Variants in ROBO1 observed in about 807,000 individuals in gnomAD.
ROBO1 encodes roundabout guidance receptor 1.
In ROBO1, 149 loss-of-function variants were observed where a neutral mutation model predicts 195.9. That is an observed-to-expected ratio of 0.76 (90% CI 0.67 to 0.87). The LOEUF (loss-of-function observed/expected upper bound fraction) is 0.87, where lower values mean the gene tolerates loss of function less well. ROBO1 is among the 40% of genes least tolerant of loss of function. ROBO1 has a pLI of 0.00. For missense variants in ROBO1, 1,933 were observed against 2,068.3 expected (o/e 0.93, Z 1.27); for synonymous variants, 816 against 733.2 (o/e 1.11, Z -1.82).
At chr3:79,710,126 C>A (rs180683501) in intron 1 of ROBO1, among the ~76,000 whole-genome samples, 2 of 151,868 alleles carry the variant, frequency 1.3e-5, no homozygotes, top group Admixed American at 6.6e-5. Flanking sequence ...GTAAGGGAGA[C>A]GAGAGATATT....
intron 4 of ROBO1, among the ~76,000 whole-genome samples, chr3:78,884,386 A>AG (rs919489549): frequency 1.3e-5 from 2 of 151,942 alleles, no homozygotes; most frequent in African/African-American, 4.8e-5. Flanking sequence ...CCAAGGTGGG[A>AG]GGATTGTTTG....
chr3:78,675,332 G>A (rs577479159), intron 10 of ROBO1, among the ~76,000 whole-genome samples: 1 of 152,206 alleles, frequency 6.6e-6, no homozygotes, highest in African/African-American at 2.4e-5. Context: ...AGTGGGTGGA[G>A]CACACAGTTC....
intron 3 of ROBO1, among the ~76,000 whole-genome samples, chr3:79,048,095 G>A (rs1404890442): frequency 6.6e-6 from 1 of 151,876 alleles, no homozygotes; most frequent in Non-Finnish European, 1.5e-5. Context: ...AACCATATAT[G>A]GTTACCTTGC....
chr3:79,627,107 T>C (rs1311226645), intron 1 of ROBO1, among the ~76,000 whole-genome samples: 3 of 152,110 alleles, frequency 2.0e-5, no homozygotes. Context: ...CTATTCCCCA[T>C]GAAACTACCA....
At chr3:79,183,093 A>AAAAAAAAAAAAAAAAAAAAAAAT (rs2081375354) in intron 2 of ROBO1, among the ~76,000 whole-genome samples, 1 of 151,984 alleles carries the variant, frequency 6.6e-6, no homozygotes, top group African/African-American at 2.4e-5. Context: ...AAAAAAAAAA[A>AAAAAAAAAAAAAAAAAAAAAAAT]AAAAGATACA....
chr3:79,359,752 T>C (rs1577019606), intron 2 of ROBO1, among the ~76,000 whole-genome samples: 1 of 151,946 alleles, frequency 6.6e-6, no homozygotes, highest in Non-Finnish European at 1.5e-5. Context: ...AAGAAAAGAA[T>C]TGAAAGCAAT....
intron 3 of ROBO1, among the ~76,000 whole-genome samples, chr3:79,022,687 A>C (rs2078125597): frequency 6.6e-6 from 1 of 152,208 alleles, no homozygotes; most frequent in African/African-American, 2.4e-5. Context: ...AAAGTGTGGT[A>C]ACTTGTACTC....
chr3:78,724,301 C>T (rs991745122), intron 5 of ROBO1, among the ~76,000 whole-genome samples: 3 of 151,976 alleles, frequency 2.0e-5, no homozygotes, highest in African/African-American at 7.2e-5. Flanking sequence ...TTTCAATAAA[C>T]AAAAGAACAG....
chr3:79,283,025 T>C (rs1262575841), intron 2 of ROBO1, among the ~76,000 whole-genome samples: 1 of 152,166 alleles, frequency 6.6e-6, no homozygotes, highest in Non-Finnish European at 1.5e-5. Context: ...CTTGTGAAAA[T>C]TGAAAATCTT....
rs950273724 is a variant in ROBO1, at chr3:79,589,822, A to G, written c.88+2T>C. The stretch of plus-strand genomic sequence containing the variant: ...TTGATGAAACAAATGCACAGCACTT[A>G]CCTGGAATAAGCTGGGCCAGAAACA... On this transcript the variant is annotated splice_donor_variant, in intron 2 of 30. Transcript: ENST00000464233. LOFTEE classifies it high-confidence loss of function. 2.5e-6 allele frequency: 4 copies of G among 1,609,128 alleles called. No homozygotes were observed. The Admixed American group carries it at 5.0e-5, about 20-fold the overall frequency.
At chr3:79,221,995 C>G (rs2082147376) in intron 2 of ROBO1, among the ~76,000 whole-genome samples, 1 of 151,950 alleles carries the variant, frequency 6.6e-6, no homozygotes, top group South Asian at 2.1e-4. Flanking sequence ...TCAAAGCTGA[C>G]AAAATCTGGG....
rs2076904357 is a variant in ROBO1, at chr3:78,977,311, C to T, written c.173-38384G>A. 2.6e-5 allele frequency among the ~76,000 whole-genome samples: 4 copies of T among 152,218 alleles called. No individual in the cohort carries two copies. In the South Asian group the frequency reaches 8.3e-4, roughly 32 times the overall value. ...TTGCTTTTTACTCACACACTTCCCT[C>T]ATCCTAGAATTTCCTTTTCTTTCCC... On this transcript the variant is annotated intron_variant, in intron 3 of 30. Coordinates refer to ENST00000464233, the MANE Select transcript of ROBO1 (RefSeq NM_002941.4).
At chr3:79,387,708 G>A (rs1376628681) in intron 2 of ROBO1, among the ~76,000 whole-genome samples, 1 of 151,914 alleles carries the variant, frequency 6.6e-6, no homozygotes, top group Admixed American at 6.6e-5. Flanking sequence ...TAAAAAATGT[G>A]TAATGAAAGG....
chr3:79,322,890 T>C (rs868416678), intron 2 of ROBO1, among the ~76,000 whole-genome samples: 14 of 152,350 alleles, frequency 9.2e-5, no homozygotes, highest in East Asian at 3.9e-4. Context: ...CAATTAATCA[T>C]GAATACATTT....
At chr3:79,410,203 A>G (rs544251980) in intron 2 of ROBO1, among the ~76,000 whole-genome samples, 17 of 152,316 alleles carry the variant, frequency 1.1e-4, no homozygotes, top group African/African-American at 4.1e-4. Context: ...GGTTATGTCC[A>G]TCCTTGCAAT....
At position 78,768,236 on chromosome 3, in the gene ROBO1, A is replaced by G. The variant is rs145380103; in HGVS notation, c.500-21336T>C. Among the ~76,000 whole-genome samples the G allele has an allele frequency of 3.0e-3, 456 of 149,828 alleles. 5 individuals carry two copies. The highest frequency in any genetic ancestry group is 0.01 in the African/African-American group (423 of 40,650). The stretch of plus-strand genomic sequence containing the variant: ...TTTCCATGCATTTGCCTGGTTGTGA[A>G]TTTTTTTTGGGGGGTGGGGTGGAGT... On this transcript the variant is annotated intron_variant, in intron 4 of 30. Transcript: ENST00000464233.
intron 2 of ROBO1, among the ~76,000 whole-genome samples, chr3:79,153,779 T>C (rs2080812983): frequency 6.7e-6 from 1 of 148,666 alleles, no homozygotes; most frequent in South Asian, 2.1e-4. Flanking sequence ...ATATGTAATA[T>C]AAATAATATA....
At chr3:79,121,569 A>T (rs931291035) in intron 3 of ROBO1, among the ~76,000 whole-genome samples, 1 of 151,992 alleles carries the variant, frequency 6.6e-6, no homozygotes, top group Non-Finnish European at 1.5e-5. Flanking sequence ...AACCTCTGAC[A>T]TTTCATGGCT....
chr3:78,951,561 C>T (rs2040793047), intron 3 of ROBO1, among the ~76,000 whole-genome samples: 1 of 152,014 alleles, frequency 6.6e-6, no homozygotes, highest in Non-Finnish European at 1.5e-5. Context: ...GAGGCTTTTA[C>T]AAAGGAACTA....
Sources: gnomAD v4.1 joint callset for allele counts (sites outside exome capture counted in the v4.1 genomes callset) on GRCh38, gnomAD v4.1.1 for gene constraint, MANE v1.5 for transcripts, NCBI Gene and HGNC (gene_info 2026-07-23, HGNC 2026-07-21) for gene names.